The following ZDHHC3 variants were observed in gnomAD, a reference collection of about 807,000 sequenced individuals.
ZDHHC3 encodes zDHHC palmitoyltransferase 3.
Under a neutral mutation model 30.6 loss-of-function variants are expected in ZDHHC3, and 9 were observed. The observed-to-expected ratio is 0.29, with a 90% CI of 0.18 to 0.51. The LOEUF is 0.51. Among genes scored for constraint, ZDHHC3 ranks in the 20% least tolerant of loss-of-function variants. The pLI is 0.97. For missense variants in ZDHHC3, 246 were observed against 384.2 expected (o/e 0.64, Z 3.01); for synonymous variants, 136 against 140.2 (o/e 0.97, Z 0.21).
intron 1 of ZDHHC3, among the ~76,000 whole-genome samples, chr3:44,974,691 T>C (rs1016601371): frequency 6.6e-6 from 1 of 152,220 alleles, no homozygotes; most frequent in Non-Finnish European, 1.5e-5. Flanking sequence ...GTCTTCCTTT[T>C]AGGTGCCCCT....
At chr3:44,934,062 G>T in intron 3 of ZDHHC3, 78 bp from the exon 4 acceptor site, 1 of 1,355,944 alleles carries the variant, frequency 7.4e-7, no homozygotes, top group Non-Finnish European at 1.1e-6. Context: ...AGAACCCATG[G>T]CTCCTGCTCC....
In ZDHHC3 at chr3:44,916,214, GT is replaced by G. The variant is rs1009382951; in HGVS notation, c.*10474del. On this transcript the variant is annotated 3_prime_UTR_variant, in exon 7 of 7. Transcript: ENST00000424952. The stretch of plus-strand genomic sequence containing the variant: ...TCATAGTTGGAGAGCTCTGGCAAGG[GT>G]TAGGGCAGAGGTGGCTTTGTGAACA... 13 of 152,236 alleles carry G rather than the reference GT, an allele frequency of 8.5e-5. No individual in the cohort carries two copies. The highest frequency in any genetic ancestry group is 2.9e-4 in the African/African-American group (12 of 41,448). 9.4% of individuals were successfully genotyped at this position (152,236 alleles called of 1,614,324 possible). A position where few individuals can be genotyped will look rare whatever the true frequency, so the allele number is the denominator to read the frequency against.
chr3:44,960,566 T>C (rs1704387205), intron 1 of ZDHHC3, among the ~76,000 whole-genome samples: 1 of 152,208 alleles, frequency 6.6e-6, no homozygotes, highest in South Asian at 2.1e-4. Flanking sequence ...AAGCATAGAT[T>C]TCCCTTCTCT....
intron 1 of ZDHHC3, among the ~76,000 whole-genome samples, chr3:44,972,488 A>G (rs1021390761): frequency 6.6e-6 from 1 of 152,196 alleles, no homozygotes; most frequent in African/African-American, 2.4e-5. Context: ...CAACATCAGC[A>G]CCACAGACTC....
chr3:44,953,605 A>G (rs970345659), intron 2 of ZDHHC3, among the ~76,000 whole-genome samples: 1 of 152,104 alleles, frequency 6.6e-6, no homozygotes, highest in Non-Finnish European at 1.5e-5. Flanking sequence ...CTGGGTAGAA[A>G]CTCCAACAGC....
Position 44,976,110 on chromosome 3 carries a change from A to AAGCC in ZDHHC3, c.-206_-203dup, listed in dbSNP as rs1705970437. 1 of 475,606 alleles carries AAGCC rather than the reference A, an allele frequency of 2.1e-6. No individual in the cohort carries two copies. Among genetic ancestry groups the AAGCC allele is most frequent in the African/African-American group, 2.0e-5 (1 of 48,918 alleles). The allele number at this position is 475,606 out of a possible 1,614,324, so 29.5% of individuals were successfully genotyped here. On this transcript the variant is annotated 5_prime_UTR_variant, in exon 1 of 7. It introduces an in-frame stop codon into an upstream open reading frame of the 5' UTR. Transcript: ENST00000424952. ...CCAGACACCGGGCGGCGCGCAGGAG[A>AAGCC]AGCCCATCGAGCTCTCCCGGCAGTG...
chr3:44,932,423 T>C (rs56064233), intron 5 of ZDHHC3, among the ~76,000 whole-genome samples: 24,315 of 152,184 alleles, frequency 0.16, 2,111 homozygotes, highest in South Asian at 0.24. Flanking sequence ...AAATACAATG[T>C]TCCTTGCTCA....
intron 1 of ZDHHC3, among the ~76,000 whole-genome samples, chr3:44,973,561 C>T (rs1360308400): frequency 6.6e-6 from 1 of 152,100 alleles, no homozygotes; most frequent in Admixed American, 6.5e-5. Flanking sequence ...TGGGTTCAAG[C>T]GATTCTCCTG....
intron 1 of ZDHHC3, among the ~76,000 whole-genome samples, chr3:44,968,554 A>AGCAT (rs200620570): frequency 0.018 from 2,741 of 152,206 alleles, 42 homozygotes; most frequent in Middle Eastern, 0.088. Flanking sequence ...CAATTAGCCG[A>AGCAT]GCATGGTAGT....
At position 44,959,028 on chromosome 3, in the gene ZDHHC3, T is replaced by A; in HGVS notation, c.306+103A>T. ...TCCTCACCCTCCCCTGGCCCTCCTATCCTCCAAGTTCCCAAGGTCCAGGGG... is the reference window on the plus strand; with the variant it reads ...TCCTCACCCTCCCCTGGCCCTCCTAACCTCCAAGTTCCCAAGGTCCAGGGG... On this transcript the variant is annotated intron_variant, in intron 2 of 6. Coordinates refer to ENST00000424952, the MANE Select transcript of ZDHHC3 (RefSeq NM_001135179.2). The surrounding 1 kb of genome is among the most constrained non-coding windows in gnomAD (Gnocchi z 4.3). The A allele has an allele frequency of 7.1e-7, 1 of 1,404,636 alleles. No individual in the cohort carries two copies. Among genetic ancestry groups the A allele is most frequent in the African/African-American group, 1.4e-5 (1 of 70,128 alleles). The allele number at this position is 1,404,636 out of a possible 1,614,324, so 87.0% of individuals were successfully genotyped here. A position where few individuals can be genotyped will look rare whatever the true frequency, so the allele number is the denominator to read the frequency against.
At position 44,967,401 on chromosome 3, in the gene ZDHHC3, G is replaced by A. The variant is rs535737585; in HGVS notation, c.-24-7941C>T. 3.3e-5 allele frequency among the ~76,000 whole-genome samples: 5 copies of A among 152,256 alleles called. No individual in the cohort carries two copies. The South Asian group carries it at 1.0e-3, about 32-fold the overall frequency. ...ATCTACTAAAAAAAAATATGCACCC[G>A]AACCAGGTGTAGTGGTTCACATCTG... On this transcript the variant is annotated intron_variant, in intron 1 of 6. Coordinates refer to ENST00000424952, the MANE Select transcript of ZDHHC3 (RefSeq NM_001135179.2).
rs1354438221 is a variant in ZDHHC3 at position 44,976,153 on chromosome 3, AGGAGCG to A, written c.-251_-246del. ...CGGCAGTGGCGGCGGCCGCGGCTGC[AGGAGCG>A]GCCGCCGCGCAGGTTGATGACGCGC... On this transcript the variant is annotated 5_prime_UTR_variant, in exon 1 of 7. Transcript: ENST00000424952. The A allele has an allele frequency of 1.9e-5, 14 of 723,138 alleles. No homozygotes were observed. The highest frequency in any genetic ancestry group is 2.5e-5 in the Non-Finnish European group (13 of 519,286). 44.8% of individuals were successfully genotyped at this position (723,138 alleles called of 1,614,324 possible). A position where few individuals can be genotyped will look rare whatever the true frequency, so the allele number is the denominator to read the frequency against.
intron 2 of ZDHHC3, among the ~76,000 whole-genome samples, chr3:44,954,442 G>A (rs554583954): frequency 2.0e-5 from 3 of 152,268 alleles, no homozygotes; most frequent in African/African-American, 7.2e-5. Flanking sequence ...TTGTAGCCTA[G>A]GAACAAGAGG....
chr3:44,941,577 C>T (rs1702441816), intron 3 of ZDHHC3, among the ~76,000 whole-genome samples: 1 of 152,094 alleles, frequency 6.6e-6, no homozygotes, highest in South Asian at 2.1e-4. Context: ...CTGTCTTAGC[C>T]TCAGTGTGGG....
rs757512208 is a variant in ZDHHC3 at position 44,945,150 on chromosome 3, G to A, written c.431+18C>T. 45 of 1,613,312 alleles carry A rather than the reference G, an allele frequency of 2.8e-5. No individual in the cohort carries two copies. Among genetic ancestry groups the A allele is most frequent in the Admixed American group, 2.3e-4 (14 of 60,008 alleles). On this transcript the variant is annotated intron_variant, in intron 3 of 6. Transcript: ENST00000424952. ...AGGACAGTGGGAGAAGAGAGGAGGC[G>A]AGCCCCAGTGAGTGTACCTGCAGTG...
At position 44,925,818 on chromosome 3, in the gene ZDHHC3, C is replaced by G; in HGVS notation, c.*871G>C. 1 of 985,832 alleles carries G rather than the reference C, an allele frequency of 1.0e-6. No individual in the cohort carries two copies. Among genetic ancestry groups the G allele is most frequent in the Non-Finnish European group, 1.2e-6 (1 of 829,938 alleles). The allele number at this position is 985,832 out of a possible 1,614,324, so 61.1% of individuals were successfully genotyped here. A position where few individuals can be genotyped will look rare whatever the true frequency, so the allele number is the denominator to read the frequency against. On this transcript the variant is annotated 3_prime_UTR_variant, in exon 7 of 7. Transcript: ENST00000424952. ...ACTGGTGCCTATTGCAGTCAGAATTCACACTGCTTAATTGACATCTTGCTG... is the reference window on the plus strand; with the variant it reads ...ACTGGTGCCTATTGCAGTCAGAATTGACACTGCTTAATTGACATCTTGCTG...
intron 3 of ZDHHC3, among the ~76,000 whole-genome samples, chr3:44,943,797 G>A (rs937942431): frequency 6.6e-6 from 1 of 152,114 alleles, no homozygotes; most frequent in Non-Finnish European, 1.5e-5. Context: ...CTTGAGCCCA[G>A]GAGTTCGAGA....
At chr3:44,953,051 T>C (rs1025883672) in intron 2 of ZDHHC3, among the ~76,000 whole-genome samples, 2 of 152,252 alleles carry the variant, frequency 1.3e-5, no homozygotes, top group Admixed American at 6.5e-5. Flanking sequence ...AGGCCAGGCA[T>C]AGTTCCAAAT....
At chr3:44,963,005 A>G (rs921365530) in intron 1 of ZDHHC3, among the ~76,000 whole-genome samples, 3 of 152,230 alleles carry the variant, frequency 2.0e-5, no homozygotes, top group Admixed American at 1.3e-4. Context: ...TGGCTGGCAC[A>G]GAGTAGCCAC....
Sources: gnomAD v4.1 joint callset for allele counts (sites outside exome capture counted in the v4.1 genomes callset) on GRCh38, gnomAD v4.1.1 for gene constraint, Gnocchi (gnomAD v3.1) non-coding constraint, MANE v1.5 for transcripts, NCBI Gene and HGNC (gene_info 2026-07-23, HGNC 2026-07-21) for gene names.